The following SEMA6D variants were observed in gnomAD, a reference collection of about 807,000 sequenced individuals.
SEMA6D encodes the protein semaphorin 6D.
SEMA6D carries 35 observed loss-of-function variants against 106.6 expected under a neutral mutation model. The ratio of observed to expected loss-of-function variants is 0.33; its 90% CI spans 0.25 to 0.44. The LOEUF is 0.44. SEMA6D is among the 20% of genes least tolerant of loss of function. The pLI is 1.00. For synonymous variants in SEMA6D, 499 were observed against 487.7 expected (o/e 1.02, Z -0.31); for missense variants, 1,185 against 1,345.9 (o/e 0.88, Z 1.87).
At chr15:47,184,786 G>T (rs1266304614) in intron 1 of SEMA6D, among the ~76,000 whole-genome samples, 1 of 152,226 alleles carries the variant, frequency 6.6e-6, no homozygotes, top group Admixed American at 6.5e-5. Flanking sequence ...TCAAAATGCC[G>T]CGGACTCGGG....
intron 3 of SEMA6D, among the ~76,000 whole-genome samples, chr15:47,521,427 ACTC>A (rs2044573314): frequency 6.6e-6 from 1 of 151,514 alleles, no homozygotes; most frequent in African/African-American, 2.4e-5. Context: ...TAAAATGTAA[ACTC>A]CTCTCGGATC....
intron 3 of SEMA6D, among the ~76,000 whole-genome samples, chr15:47,487,724 A>C (rs965549434): frequency 6.6e-6 from 1 of 152,154 alleles, no homozygotes; most frequent in Non-Finnish European, 1.5e-5. Context: ...GCTTGTCTCT[A>C]ATTTTAGGTT....
intron 1 of SEMA6D, among the ~76,000 whole-genome samples, chr15:47,407,403 C>CA (rs1462088729): frequency 0.031 from 2,510 of 81,798 alleles, 116 homozygotes; most frequent in Admixed American, 0.058. Context: ...ACAACAACAA[C>CA]AACAACAAAA....
At chr15:47,336,513 T>C (rs2037563174) in intron 1 of SEMA6D, among the ~76,000 whole-genome samples, 1 of 152,136 alleles carries the variant, frequency 6.6e-6, no homozygotes, top group African/African-American at 2.4e-5. Context: ...TCACTAGAGG[T>C]GCATTTACTA....
At chr15:47,216,247 TTAAAG>T (rs1191991168) in intron 1 of SEMA6D, among the ~76,000 whole-genome samples, 3 of 152,202 alleles carry the variant, frequency 2.0e-5, no homozygotes, top group African/African-American at 7.2e-5. Context: ...CTTCACATTA[TTAAAG>T]TATTTATTTA....
At chr15:47,297,689 G>C (rs2035859811) in intron 1 of SEMA6D, among the ~76,000 whole-genome samples, 1 of 152,116 alleles carries the variant, frequency 6.6e-6, no homozygotes, top group South Asian at 2.1e-4. Context: ...CAAAATGAGT[G>C]TCCATTGTGA....
At chr15:47,672,267 CGTT>C (rs1371871760) in intron 4 of SEMA6D, among the ~76,000 whole-genome samples, 2 of 152,152 alleles carry the variant, frequency 1.3e-5, no homozygotes, top group African/African-American at 2.4e-5. Flanking sequence ...TTGTGTCTGA[CGTT>C]GTCATACCAC....
At chr15:47,549,025 G>A (rs1166907109) in intron 3 of SEMA6D, among the ~76,000 whole-genome samples, 2 of 152,016 alleles carry the variant, frequency 1.3e-5, no homozygotes, top group Non-Finnish European at 2.9e-5. Flanking sequence ...ACACATTGCT[G>A]AAGACCATTA....
At chr15:47,290,524 C>T (rs1595654296) in intron 1 of SEMA6D, among the ~76,000 whole-genome samples, 1 of 151,922 alleles carries the variant, frequency 6.6e-6, no homozygotes, top group East Asian at 1.9e-4. Flanking sequence ...ATTTTAAAAT[C>T]CAAACTTTAA....
At chr15:47,280,041 T>G (rs1156850468) in intron 1 of SEMA6D, among the ~76,000 whole-genome samples, 1 of 151,334 alleles carries the variant, frequency 6.6e-6, no homozygotes, top group Non-Finnish European at 1.5e-5. Context: ...GCTGGCCTCA[T>G]AAAATGAGTT....
chr15:47,207,259 A>G (rs1187682944), intron 1 of SEMA6D, among the ~76,000 whole-genome samples: 3 of 152,144 alleles, frequency 2.0e-5, no homozygotes, highest in Admixed American at 2.0e-4. Context: ...TCATTTATAC[A>G]TGGCTTCCTC....
chr15:47,725,440 G>GA (rs994143009), intron 1 of SEMA6D, among the ~76,000 whole-genome samples: 15 of 152,110 alleles, frequency 9.9e-5, no homozygotes, highest in Admixed American at 5.9e-4. Context: ...CTTCCTTTTG[G>GA]AAAATCTCAT....
At chr15:47,522,400 T>C (rs2044615145) in intron 3 of SEMA6D, among the ~76,000 whole-genome samples, 1 of 152,194 alleles carries the variant, frequency 6.6e-6, no homozygotes, top group Non-Finnish European at 1.5e-5. Flanking sequence ...TATGTCTTAT[T>C]TGTGGTCTGA....
intron 4 of SEMA6D, among the ~76,000 whole-genome samples, chr15:47,634,410 T>A (rs1013961444): frequency 6.6e-6 from 1 of 152,032 alleles, no homozygotes; most frequent in African/African-American, 2.4e-5. Context: ...GAGGGCTGAG[T>A]CACACAACTT....
intron 1 of SEMA6D, among the ~76,000 whole-genome samples, chr15:47,406,054 GT>G (rs1464166939): frequency 2.6e-5 from 4 of 152,216 alleles, no homozygotes. Flanking sequence ...TATCCTTTCT[GT>G]TCTCTATTCT....
chr15:47,482,318 C>T (rs1243256940), intron 3 of SEMA6D, among the ~76,000 whole-genome samples: 1 of 152,132 alleles, frequency 6.6e-6, no homozygotes, highest in Non-Finnish European at 1.5e-5. Flanking sequence ...GGGTTTGCTA[C>T]ATTAAATGTA....
At chr15:47,597,318 A>T (rs1303777133) in intron 3 of SEMA6D, among the ~76,000 whole-genome samples, 8 of 152,062 alleles carry the variant, frequency 5.3e-5, no homozygotes. Flanking sequence ...ACATTCCTCA[A>T]AAAACTAAAA....
chr15:47,332,032 CT>C (rs1200078071), intron 1 of SEMA6D, among the ~76,000 whole-genome samples: 4 of 152,140 alleles, frequency 2.6e-5, no homozygotes, highest in Admixed American at 1.3e-4. Context: ...CTCTTTGTCT[CT>C]TTATTATTAT....
rs2037075128 is a variant in SEMA6D at position 47,325,109 on chromosome 15, T to C, written c.-238-87284T>C. Among the ~76,000 whole-genome samples the C allele has an allele frequency of 2.6e-5, 4 of 152,278 alleles. No homozygotes were observed. In the South Asian group the frequency reaches 8.3e-4, roughly 32 times the overall value. ...GAGTAGGCAATATTTAATTATCCAT[T>C]GACCTTAACTATTGCTTGACCCTTT... On this transcript the variant is annotated intron_variant, in intron 1 of 19. Transcript: ENST00000558014.
Sources: gnomAD v4.1 joint callset for allele counts (sites outside exome capture counted in the v4.1 genomes callset) on GRCh38, gnomAD v4.1.1 for gene constraint, MANE v1.5 for transcripts, NCBI Gene and HGNC (gene_info 2026-07-23, HGNC 2026-07-21) for gene names.